The following SLIT2 variants were observed in gnomAD, a reference collection of about 807,000 sequenced individuals.
The protein encoded by SLIT2 is slit homolog 2 protein.
In SLIT2, 41 loss-of-function variants were observed where a neutral mutation model predicts 185.7. The observed-to-expected ratio is 0.22, with a 90% CI of 0.17 to 0.29. The LOEUF is 0.29. SLIT2 is among the 10% of genes least tolerant of loss of function. The pLI is 1.00. For synonymous variants in SLIT2, 693 were observed against 680.2 expected (o/e 1.02, Z -0.29); for missense variants, 1,571 against 1,909.0 (o/e 0.82, Z 3.30).
chr4:20,260,256 C>G (rs1333687443), intron 3 of SLIT2, among the ~76,000 whole-genome samples: 1 of 151,560 alleles, frequency 6.6e-6, no homozygotes, highest in African/African-American at 2.4e-5. Context: ...TCAAAAGCTG[C>G]AAGAGACAAT....
intron 4 of SLIT2, among the ~76,000 whole-genome samples, chr4:20,407,039 T>G (rs1726830820): frequency 6.6e-6 from 1 of 152,056 alleles, no homozygotes; most frequent in Non-Finnish European, 1.5e-5. Flanking sequence ...CAAAAAAATA[T>G]CCAGGCACAA....
At chr4:20,459,723 T>C (rs1232283063) in intron 4 of SLIT2, among the ~76,000 whole-genome samples, 1 of 152,160 alleles carries the variant, frequency 6.6e-6, no homozygotes, top group Non-Finnish European at 1.5e-5. Flanking sequence ...AAAAGTCCTC[T>C]CAGAAGTCCA....
At chr4:20,356,440 A>C (rs1002483219) in intron 4 of SLIT2, among the ~76,000 whole-genome samples, 1 of 152,198 alleles carries the variant, frequency 6.6e-6, no homozygotes, top group African/African-American at 2.4e-5. Context: ...TTAGATATTG[A>C]TGCATAGTAA....
chr4:20,280,070 A>AT (rs1354757097), intron 4 of SLIT2, among the ~76,000 whole-genome samples: 1 of 152,184 alleles, frequency 6.6e-6, no homozygotes, highest in East Asian at 1.9e-4. Flanking sequence ...ATGGTGGCTC[A>AT]TGCCTGTAAT....
chr4:20,329,201 A>G (rs149545362), intron 4 of SLIT2, among the ~76,000 whole-genome samples: 151 of 152,150 alleles, frequency 9.9e-4, no homozygotes, highest in Admixed American at 5.6e-3. Context: ...AATAGGAACA[A>G]TATTAGGGAA....
chr4:20,437,112 G>C (rs1729393459), intron 4 of SLIT2, among the ~76,000 whole-genome samples: 1 of 152,214 alleles, frequency 6.6e-6, no homozygotes, highest in South Asian at 2.1e-4. Context: ...ATTCTGTAAT[G>C]ACTCCCAAAT....
intron 4 of SLIT2, among the ~76,000 whole-genome samples, chr4:20,453,707 C>A (rs1712735395): frequency 6.6e-6 from 1 of 152,124 alleles, no homozygotes; most frequent in African/African-American, 2.4e-5. Context: ...CAAGTTATCC[C>A]CAAAGTAGAG....
intron 1 of SLIT2, among the ~76,000 whole-genome samples, chr4:20,256,014 A>G (rs1008348768): frequency 2.0e-5 from 3 of 152,216 alleles, no homozygotes; most frequent in African/African-American, 7.2e-5. Context: ...CAAAAATGTC[A>G]GGGCCTGAAT....
Position 20,541,275 on chromosome 4 carries a change from C to CA in SLIT2, c.1977-168dup, listed in dbSNP as rs3215199. Among the ~76,000 whole-genome samples, 1,104 of 149,306 alleles carry CA rather than the reference C, an allele frequency of 7.4e-3. 9 individuals carry two copies. Among genetic ancestry groups the CA allele is most frequent in the Middle Eastern group, 0.024 (7 of 292 alleles). ...TAAGTTCCAAGCATAAATATTTTAT[C>CA]AAAAAAAAAATGCATCTCATATACT... On this transcript the variant is annotated intron_variant, in intron 19 of 36. Coordinates refer to ENST00000504154, the MANE Select transcript of SLIT2 (RefSeq NM_004787.4).
chr4:20,613,817 G>A (rs1160213562), intron 34 of SLIT2, among the ~76,000 whole-genome samples: 1 of 152,172 alleles, frequency 6.6e-6, no homozygotes, highest in East Asian at 1.9e-4. Context: ...TGGAGAGGCA[G>A]CTTAACCTAC....
chr4:20,508,271 A>G (rs1446418609), intron 9 of SLIT2, among the ~76,000 whole-genome samples: 1 of 152,032 alleles, frequency 6.6e-6, no homozygotes, highest in Non-Finnish European at 1.5e-5. Flanking sequence ...GTCCTTGGGT[A>G]TGTAGGAAAA....
chr4:20,610,682 A>G (rs1025878039), intron 34 of SLIT2, among the ~76,000 whole-genome samples: 2 of 152,212 alleles, frequency 1.3e-5, no homozygotes, highest in African/African-American at 4.8e-5. Context: ...GATAAGTATC[A>G]CTGTAATCCA....
intron 4 of SLIT2, among the ~76,000 whole-genome samples, chr4:20,401,312 C>A (rs928585387): frequency 6.6e-6 from 1 of 151,848 alleles, no homozygotes; most frequent in Non-Finnish European, 1.5e-5. Flanking sequence ...CAGAGCTGGA[C>A]ATTTGTTGAA....
chr4:20,472,329 T>TAG (rs1715273262), intron 5 of SLIT2, among the ~76,000 whole-genome samples: 2 of 92,856 alleles, frequency 2.2e-5, no homozygotes, highest in Non-Finnish European at 3.9e-5. Flanking sequence ...TATATATCTA[T>TAG]ATATAGATCT....
intron 29 of SLIT2, among the ~76,000 whole-genome samples, chr4:20,569,897 A>G (rs1725425085): frequency 6.6e-6 from 1 of 152,090 alleles, no homozygotes; most frequent in Non-Finnish European, 1.5e-5. Flanking sequence ...TGAAATTACA[A>G]TGCAGGTGAC....
intron 15 of SLIT2, 131 bp downstream of exon 15, chr4:20,525,303 A>G (rs1402500727): frequency 1.9e-5 from 12 of 646,476 alleles, no homozygotes; most frequent in Non-Finnish European, 2.8e-5. Flanking sequence ...ACTTATGCAT[A>G]TATCACTTGT....
intron 11 of SLIT2, among the ~76,000 whole-genome samples, chr4:20,513,909 T>C (rs532052229): frequency 1.3e-5 from 2 of 152,220 alleles, no homozygotes; most frequent in South Asian, 4.1e-4. Flanking sequence ...TTTCAAGAAT[T>C]AGCAAAAAAT....
intron 4 of SLIT2, among the ~76,000 whole-genome samples, chr4:20,356,519 C>G (rs1205305909): frequency 6.6e-6 from 1 of 152,108 alleles, no homozygotes; most frequent in Non-Finnish European, 1.5e-5. Context: ...GCTTTATTCA[C>G]ACAAATAGGT....
intron 4 of SLIT2, among the ~76,000 whole-genome samples, chr4:20,450,813 T>C (rs1712388864): frequency 6.6e-6 from 1 of 152,180 alleles, no homozygotes; most frequent in Non-Finnish European, 1.5e-5. Flanking sequence ...TATCCCTTCG[T>C]ATGTAACACA....
Sources: gnomAD v4.1 joint callset for allele counts (sites outside exome capture counted in the v4.1 genomes callset) on GRCh38, gnomAD v4.1.1 for gene constraint, MANE v1.5 for transcripts, NCBI Gene and HGNC (gene_info 2026-07-23, HGNC 2026-07-21) for gene names.